The following EPB41 variants were observed in gnomAD, a reference collection of about 807,000 sequenced individuals.
EPB41 encodes the protein protein 4.1.
A neutral mutation model predicts 108.0 loss-of-function variants in EPB41; 65 were observed. The ratio of observed to expected loss-of-function variants is 0.60; its 90% CI spans 0.49 to 0.74. The LOEUF (loss-of-function observed/expected upper bound fraction) is 0.74, where lower values mean the gene tolerates loss of function less well. EPB41 is among the 30% of genes least tolerant of loss of function. The probability of loss-of-function intolerance (pLI) is 0.00; values close to 1 mark genes in which losing one functional copy is unlikely to be tolerated. For synonymous variants in EPB41, 336 were observed against 358.9 expected (o/e 0.94, Z 0.72); for missense variants, 875 against 1,037.0 (o/e 0.84, Z 2.15).
At chr1:29,032,758 G>C (rs2096805427) in intron 8 of EPB41, among the ~76,000 whole-genome samples, 1 of 151,968 alleles carries the variant, frequency 6.6e-6, no homozygotes. Flanking sequence ...AAGAACCTAA[G>C]ATTGTCTTAT....
At chr1:29,024,286 G>A (rs2150157333) in intron 7 of EPB41, among the ~76,000 whole-genome samples, 1 of 151,670 alleles carries the variant, frequency 6.6e-6, no homozygotes, top group African/African-American at 2.4e-5. Context: ...AGTGAGCCGA[G>A]ATCATGCCAC....
chr1:29,070,618 A>G (rs759082559), intron 16 of EPB41: 387 of 1,232,000 alleles, frequency 3.1e-4, no homozygotes, highest in Non-Finnish European at 3.7e-4. Flanking sequence ...TTCTGTGATC[A>G]GAAAACAGGG....
At chr1:28,995,359 C>G (rs1322375525) in intron 3 of EPB41, among the ~76,000 whole-genome samples, 2 of 152,066 alleles carry the variant, frequency 1.3e-5, no homozygotes, top group Non-Finnish European at 2.9e-5. Context: ...GTCAAGAAAT[C>G]GAGACCATAC....
chr1:29,058,530 CTA>C, intron 12 of EPB41, 57 bp from the exon 13 acceptor site: 1 of 1,452,544 alleles, frequency 6.9e-7, no homozygotes, highest in Non-Finnish European at 9.6e-7. Flanking sequence ...GGAAACAACA[CTA>C]TTCATAGAAA....
intron 11 of EPB41, among the ~76,000 whole-genome samples, chr1:29,045,520 AT>A (rs757532981): frequency 2.4e-3 from 325 of 137,174 alleles, no homozygotes; most frequent in Non-Finnish European, 2.2e-3. Flanking sequence ...TGCCCAGCTA[AT>A]TTTTTTTTTT....
Position 29,039,276 on chromosome 1 carries a change from C to T in EPB41, c.1486C>T (p.Pro496Ser). Residue 496 changes from proline (P) to serine (S), a missense_variant, in exon 11 of 21, where the codon CCC becomes TCC. This residue lies in a region of EPB41 where 519 missense variants were observed against 627.3 expected (regional missense o/e 0.83). Coordinates refer to ENST00000343067, the MANE Select transcript of EPB41 (RefSeq NM_001376013.1). Reference sequence around the variant, plus strand: ...CAGATTGACATCTACAGACACCATTCCCAAAAGCAAATTTCTTGCGCTAGG... The same window carrying T: ...CAGATTGACATCTACAGACACCATTTCCAAAAGCAAATTTCTTGCGCTAGG... The part of the protein sequence containing the change: ...FFRLTSTDTI[P>S]KSKFLALGSK... 1.2e-6 allele frequency: 2 copies of T among 1,614,078 alleles called. No individual in the cohort carries two copies. Among genetic ancestry groups the T allele is most frequent in the Non-Finnish European group, 1.7e-6 (2 of 1,180,006 alleles).
chr1:28,989,440 G>A, intron 2 of EPB41: 1 of 967,776 alleles, frequency 1.0e-6, no homozygotes, highest in Non-Finnish European at 1.2e-6. Flanking sequence ...AAAAGTGTAA[G>A]TCCTTCTAGA....
At chr1:29,098,070 GT>G in intron 17 of EPB41, 135 bp downstream of exon 17, 5 of 1,280,376 alleles carry the variant, frequency 3.9e-6, no homozygotes, top group Non-Finnish European at 5.5e-6. Flanking sequence ...GAGATTACTG[GT>G]CTAAGAAGGT....
chr1:29,076,018 A>T (rs1334775746), intron 16 of EPB41, among the ~76,000 whole-genome samples: 3 of 152,232 alleles, frequency 2.0e-5, no homozygotes, highest in African/African-American at 7.2e-5. Context: ...TCATTCATAT[A>T]TTAAGTGAAA....
chr1:29,067,442 G>C, intron 16 of EPB41, among the ~76,000 whole-genome samples: 1 of 146,542 alleles, frequency 6.8e-6, no homozygotes, highest in Non-Finnish European at 1.5e-5. Flanking sequence ...CTTGCAGTGA[G>C]CCGAGATCGC....
At chr1:28,955,434 C>T (rs937003388) in intron 1 of EPB41, among the ~76,000 whole-genome samples, 2 of 151,944 alleles carry the variant, frequency 1.3e-5, no homozygotes, top group Non-Finnish European at 2.9e-5. Context: ...CTCTGTCTCC[C>T]GGGTCCAAGT....
intron 1 of EPB41, among the ~76,000 whole-genome samples, chr1:28,975,717 C>T (rs1020859553): frequency 9.2e-5 from 14 of 151,810 alleles, no homozygotes; most frequent in East Asian, 3.9e-4. Context: ...GCCTGTAATC[C>T]CAGCACTTTG....
At chr1:29,044,358 T>G (rs1255127548) in intron 11 of EPB41, among the ~76,000 whole-genome samples, 1 of 152,256 alleles carries the variant, frequency 6.6e-6, no homozygotes, top group Non-Finnish European at 1.5e-5. Flanking sequence ...TGATGTATTG[T>G]CTTTTCCTGA....
chr1:28,932,258 G>C (rs1422312147), intron 1 of EPB41, among the ~76,000 whole-genome samples: 4 of 152,118 alleles, frequency 2.6e-5, no homozygotes. Flanking sequence ...GAGTAGCAGG[G>C]ATTACAAGTG....
rs1477296901 is a variant in EPB41 at position 29,060,271 on chromosome 1, G to A, written c.1945-151G>A. The A allele has an allele frequency of 1.3e-5, 8 of 623,346 alleles. No homozygotes were observed. In the South Asian group the frequency reaches 1.5e-4, roughly 12 times the overall value. 38.6% of individuals were successfully genotyped at this position (623,346 alleles called of 1,614,324 possible). A position where few individuals can be genotyped will look rare whatever the true frequency, so the allele number is the denominator to read the frequency against. ...TGTGGTAATCATGTTCTGTGTCCGT[G>A]TGACTCTCTGACCATTTCATGTTGG... On this transcript the variant is annotated intron_variant, in intron 14 of 20. Transcript: ENST00000343067.
intron 16 of EPB41, among the ~76,000 whole-genome samples, chr1:29,067,235 C>T (rs1440976081): frequency 5.9e-5 from 9 of 151,434 alleles, no homozygotes; most frequent in African/African-American, 1.7e-4. Context: ...CGGTGGCTCA[C>T]GCCTGTAATC....
chr1:29,070,637 T>A (rs1458605733), intron 16 of EPB41: 1 of 1,231,978 alleles, frequency 8.1e-7, no homozygotes, highest in African/African-American at 1.6e-5. Flanking sequence ...GGTGCTCATC[T>A]GAAATGTCAA....
At position 29,053,200 on chromosome 1, in the gene EPB41, C is replaced by G; in HGVS notation, c.1733C>G (p.Ser578Cys). ...GCAGAAGGTGGCGTCCTAGATGCCT[C>G]TGCTAAAAAAACAGTGGTCCCTAAA... ...QVAEGGVLDA[S>C]AKKTVVPKAQ... Residue 578 changes from serine to cysteine, a missense_variant, in exon 12 of 21, where the codon TCT becomes TGT. Physicochemically the swap from Ser to Cys is moderately radical, Grantham distance 112 (BLOSUM62 -1). Around this residue, in one of 3 missense-constraint regions of EPB41, gnomAD observed 519 missense variants for 627.3 expected, o/e 0.83. Coordinates refer to ENST00000343067, the MANE Select transcript of EPB41 (RefSeq NM_001376013.1). The G allele has an allele frequency of 1.2e-6, 2 of 1,614,156 alleles. No homozygotes were observed. Among genetic ancestry groups the G allele is most frequent in the Non-Finnish European group, 1.7e-6 (2 of 1,180,034 alleles).
intron 1 of EPB41, among the ~76,000 whole-genome samples, chr1:28,943,706 G>A (rs1033263886): frequency 3.0e-4 from 46 of 151,920 alleles, no homozygotes; most frequent in African/African-American, 9.4e-4. Context: ...CCAAGACAAA[G>A]GCAATAACAA....
Sources: gnomAD v4.1 joint callset for allele counts (sites outside exome capture counted in the v4.1 genomes callset) on GRCh38, gnomAD v4.1.1 for gene constraint, gnomAD v4.1.1 regional missense constraint, MANE v1.5 for transcripts, NCBI Gene and HGNC (gene_info 2026-07-23, HGNC 2026-07-21) for gene names.